Variants in MACROD2 observed in about 807,000 individuals in gnomAD.
MACROD2 encodes the protein mono-ADP ribosylhydrolase 2, also known as ADP-ribose glycohydrolase MACROD2.
Under a neutral mutation model 70.4 loss-of-function variants are expected in MACROD2, and 36 were observed. That is an observed-to-expected ratio of 0.51 (90% CI 0.39 to 0.68). MACROD2 has a LOEUF of 0.68. Among genes scored for constraint, MACROD2 ranks in the 30% least tolerant of loss-of-function variants. MACROD2 has a pLI of 0.00. For synonymous variants in MACROD2, 172 were observed against 178.8 expected (o/e 0.96, Z 0.30); for missense variants, 496 against 538.4 (o/e 0.92, Z 0.78).
At chr20:14,285,662 ATC>A (rs2082338001) in intron 3 of MACROD2, among the ~76,000 whole-genome samples, 2 of 151,686 alleles carry the variant, frequency 1.3e-5, no homozygotes, top group Non-Finnish European at 2.9e-5. Context: ...TTTTTCCTCC[ATC>A]TCCAGTCCCT....
intron 5 of MACROD2, among the ~76,000 whole-genome samples, chr20:14,689,644 C>T (rs1263617144): frequency 6.6e-6 from 1 of 152,144 alleles, no homozygotes; most frequent in African/African-American, 2.4e-5. Context: ...TCTTTCTTTG[C>T]TCCTTTCACT....
At chr20:15,096,817 T>G (rs1237883614) in intron 5 of MACROD2, among the ~76,000 whole-genome samples, 1 of 144,600 alleles carries the variant, frequency 6.9e-6, no homozygotes, top group African/African-American at 2.6e-5. Flanking sequence ...AATTTTTTTT[T>G]TTTTTTTTTT....
chr20:14,727,285 C>G (rs1219889885), intron 5 of MACROD2, among the ~76,000 whole-genome samples: 2 of 152,124 alleles, frequency 1.3e-5, no homozygotes, highest in African/African-American at 4.8e-5. Context: ...AAACCCAGCA[C>G]TTTGGGAGGC....
chr20:15,458,391 G>A (rs1397069398), intron 7 of MACROD2, among the ~76,000 whole-genome samples: 2 of 152,102 alleles, frequency 1.3e-5, no homozygotes, highest in Non-Finnish European at 2.9e-5. Flanking sequence ...CCCCAGGGAA[G>A]TTAACTTTGC....
At chr20:14,916,557 G>A (rs1191798888) in intron 5 of MACROD2, among the ~76,000 whole-genome samples, 1 of 152,072 alleles carries the variant, frequency 6.6e-6, no homozygotes, top group Non-Finnish European at 1.5e-5. Context: ...GATAACTTCA[G>A]GAGCAAAGTG....
intron 3 of MACROD2, among the ~76,000 whole-genome samples, chr20:14,438,183 C>T (rs776086431): frequency 6.6e-6 from 1 of 152,120 alleles, no homozygotes; most frequent in Non-Finnish European, 1.5e-5. Context: ...CTTTCTGTGT[C>T]TGGCTTATTT....
Position 15,401,163 on chromosome 20 carries a change from G to A in MACROD2, c.541-30242G>A, listed in dbSNP as rs1271514302. On this transcript the variant is annotated intron_variant, in intron 6 of 17. Transcript: ENST00000684519. ...CGCCATTCTCCTGCCTCAGCCTCCC[G>A]AGTAGCTGGGACTACAGGCGCCCAC... Among the ~76,000 whole-genome samples the A allele has an allele frequency of 5.9e-5, 9 of 151,716 alleles. 1 individual carries two copies. Among genetic ancestry groups the A allele is most frequent in the South Asian group, 4.2e-4 (2 of 4,808 alleles).
At chr20:14,426,818 ATCTC>A (rs1331963629) in intron 3 of MACROD2, among the ~76,000 whole-genome samples, 1 of 152,088 alleles carries the variant, frequency 6.6e-6, no homozygotes, top group Admixed American at 6.6e-5. Context: ...CGTTCACTTA[ATCTC>A]TCTGTTTTCA....
intron 8 of MACROD2, among the ~76,000 whole-genome samples, chr20:15,618,758 A>G (rs192123714): frequency 6.6e-5 from 10 of 152,298 alleles, no homozygotes; most frequent in Admixed American, 3.3e-4. Flanking sequence ...TAACTGCCCA[A>G]TGGGCTCACC....
chr20:15,575,975 T>C (rs549626830), intron 8 of MACROD2, among the ~76,000 whole-genome samples: 1 of 152,198 alleles, frequency 6.6e-6, no homozygotes, highest in Non-Finnish European at 1.5e-5. Context: ...AAAATAATAA[T>C]TTTGTTCACT....
chr20:14,809,537 G>T (rs2072682547), intron 5 of MACROD2, among the ~76,000 whole-genome samples: 1 of 151,774 alleles, frequency 6.6e-6, no homozygotes, highest in South Asian at 2.1e-4. Flanking sequence ...AGAGAAGCAA[G>T]AGCAAACAAA....
chr20:14,120,014 G>C (rs1440914551), intron 3 of MACROD2, among the ~76,000 whole-genome samples: 1 of 151,912 alleles, frequency 6.6e-6, no homozygotes, highest in Non-Finnish European at 1.5e-5. Context: ...TTTAAGACCA[G>C]CCTGGGCAAC....
At chr20:14,775,301 G>C (rs2123776858) in intron 5 of MACROD2, among the ~76,000 whole-genome samples, 1 of 152,162 alleles carries the variant, frequency 6.6e-6, no homozygotes, top group African/African-American at 2.4e-5. Flanking sequence ...GAATACCTGA[G>C]GCGGGGTAAT....
chr20:14,449,172 A>G (rs962894259), intron 3 of MACROD2, among the ~76,000 whole-genome samples: 4 of 152,078 alleles, frequency 2.6e-5, no homozygotes, highest in African/African-American at 9.7e-5. Context: ...AAAAGAAACA[A>G]TATCCTCAGT....
At chr20:15,390,659 T>C (rs1233369174) in intron 6 of MACROD2, among the ~76,000 whole-genome samples, 1 of 152,106 alleles carries the variant, frequency 6.6e-6, no homozygotes, top group African/African-American at 2.4e-5. Context: ...AGCTTCCATT[T>C]TGGGGGGAAA....
rs6043210 is a variant in MACROD2, at chr20:15,330,965, G to A, written c.541-100440G>A. 7.9e-3 allele frequency among the ~76,000 whole-genome samples: 1,201 copies of A among 151,686 alleles called. 64 individuals carry two copies. Among genetic ancestry groups the A allele is most frequent in the African/African-American group, 0.028 (1,140 of 41,086 alleles). ...TTGCATAAAAGCCTCTACGTGCACT[G>A]CTGTCGTTATTTTTTTCTTTGAAAA... On this transcript the variant is annotated intron_variant, in intron 6 of 17. Coordinates refer to ENST00000684519, the MANE Select transcript of MACROD2 (RefSeq NM_001351661.2).
intron 5 of MACROD2, among the ~76,000 whole-genome samples, chr20:15,143,602 AT>A (rs146926870): frequency 0.17 from 25,351 of 151,026 alleles, 2,933 homozygotes; most frequent in Non-Finnish European, 0.25. Flanking sequence ...CTTCATAGGC[AT>A]TTTTTTTTAA....
At chr20:14,929,023 T>A (rs1475695628) in intron 5 of MACROD2, among the ~76,000 whole-genome samples, 3 of 152,198 alleles carry the variant, frequency 2.0e-5, no homozygotes, top group African/African-American at 7.2e-5. Context: ...ATGAAGGGCC[T>A]TAAAATGAGA....
At chr20:14,648,773 A>T (rs1348206032) in intron 4 of MACROD2, among the ~76,000 whole-genome samples, 2 of 152,138 alleles carry the variant, frequency 1.3e-5, no homozygotes, top group Admixed American at 6.6e-5. Context: ...TAAAGATCTA[A>T]CATCCTTTTT....
Sources: gnomAD v4.1 joint callset for allele counts (sites outside exome capture counted in the v4.1 genomes callset) on GRCh38, gnomAD v4.1.1 for gene constraint, MANE v1.5 for transcripts, NCBI Gene and HGNC (gene_info 2026-07-23, HGNC 2026-07-21) for gene names.